Variants in BST1 observed in about 807,000 individuals in gnomAD.
BST1 encodes the protein bone marrow stromal cell antigen 1.
BST1 carries 49 observed loss-of-function variants against 40.6 expected under a neutral mutation model. That is an observed-to-expected ratio of 1.21 (90% CI 0.96 to 1.53). BST1 has a LOEUF of 1.53. Ranked by LOEUF, BST1 falls within the 40% of genes most tolerant of loss-of-function variation. The pLI is 0.00. For synonymous variants in BST1, 157 were observed against 159.3 expected (o/e 0.99, Z 0.11); for missense variants, 423 against 395.9 (o/e 1.07, Z -0.58).
rs1457278991 is a variant in BST1 at position 15,703,377 on chromosome 4, G to A, written c.188+45G>A. 4 of 1,487,902 alleles carry A rather than the reference G, an allele frequency of 2.7e-6. No homozygotes were observed. The South Asian group carries it at 3.8e-5, about 14-fold the overall frequency. The allele number at this position is 1,487,902 out of a possible 1,614,324, so 92.2% of individuals were successfully genotyped here. A position where few individuals can be genotyped will look rare whatever the true frequency, so the allele number is the denominator to read the frequency against. On this transcript the variant is annotated intron_variant, in intron 1 of 8. Transcript: ENST00000265016. ...GGAAGGGGAGCCGGAAAGAGGCAACGGTGGGGAGGGCCTGGGGAGGGGAAA... is the reference window on the plus strand; with the variant it reads ...GGAAGGGGAGCCGGAAAGAGGCAACAGTGGGGAGGGCCTGGGGAGGGGAAA...
At chr4:15,746,739 G>T in the BST1 span, among the ~76,000 whole-genome samples, 1 of 152,186 alleles carries the variant, frequency 6.6e-6, no homozygotes, top group East Asian at 1.9e-4. Context: ...ACCTTCAGGG[G>T]TGTTTACTTC....
chr4:15,768,866 C>T, the BST1 span, among the ~76,000 whole-genome samples: 1 of 152,128 alleles, frequency 6.6e-6, no homozygotes, highest in South Asian at 2.1e-4. Context: ...TGACAGCTGC[C>T]ACAGACCCGT....
At chr4:15,715,668 A>T in intron 5 of BST1, 39 bp from the exon 6 acceptor site, 1 of 1,355,558 alleles carries the variant, frequency 7.4e-7, no homozygotes, top group African/African-American at 1.5e-5. Context: ...AATGGAAAAG[A>T]TATCATATTG....
chr4:15,740,893 G>T (rs1480884463), downstream of BST1, among the ~76,000 whole-genome samples: 3 of 151,912 alleles, frequency 2.0e-5, no homozygotes, highest in African/African-American at 4.8e-5. Flanking sequence ...AATACTTTTA[G>T]CTTTGCTGGC....
chr4:15,741,617 G>T (rs76364661), downstream of BST1, among the ~76,000 whole-genome samples: 3,089 of 152,182 alleles, frequency 0.02, 104 homozygotes, highest in African/African-American at 0.07. Flanking sequence ...AAAGACACAC[G>T]TGGGTTTTCC....
chr4:15,765,174 T>C, the BST1 span, among the ~76,000 whole-genome samples: 161 of 152,122 alleles, frequency 1.1e-3, no homozygotes, highest in Non-Finnish European at 1.8e-3. Context: ...AAACTTGACA[T>C]ACCTCCAATG....
At chr4:15,739,406 C>T (rs185228881), downstream of BST1, among the ~76,000 whole-genome samples, 44 of 152,252 alleles carry the variant, frequency 2.9e-4, no homozygotes, top group African/African-American at 9.4e-4. Flanking sequence ...AGCAGGTTCT[C>T]TAAAGCACAT....
chr4:15,731,519 T>G, intron 8 of BST1: 1 of 1,064,150 alleles, frequency 9.4e-7, no homozygotes, highest in African/African-American at 1.6e-5. Flanking sequence ...TTCTTGAAGC[T>G]GATCTGCAAC....
chr4:15,705,671 G>A (rs182061051), intron 2 of BST1, 30 bp downstream of exon 2: 2 of 1,611,614 alleles, frequency 1.2e-6, no homozygotes, highest in East Asian at 4.5e-5. Context: ...GGGTAAAACT[G>A]TGTTCTCTGT....
the BST1 span, among the ~76,000 whole-genome samples, chr4:15,747,647 A>C: frequency 7.2e-4 from 109 of 152,250 alleles, no homozygotes; most frequent in African/African-American, 2.4e-3. Flanking sequence ...GTAGTAAATA[A>C]ATCTTATCTA....
chr4:15,764,083 C>T, the BST1 span, among the ~76,000 whole-genome samples: 4,038 of 152,002 alleles, frequency 0.027, 200 homozygotes, highest in African/African-American at 0.075. Context: ...AATGTTGGCT[C>T]ATTGATATTA....
chr4:15,707,640 G>A lies in BST1; in HGVS notation c.445G>A (p.Asp149Asn), dbSNP rs965497247. 5 of 1,613,238 alleles carry A rather than the reference G, an allele frequency of 3.1e-6. No individual in the cohort carries two copies. The highest frequency in any genetic ancestry group is 4.2e-6 in the Non-Finnish European group (5 of 1,179,614). ...CTTGAGCTGGTGTCGACAGAAAAAT[G>A]ACTCTGGTAAGACTCCTGCACAAAT... ...DFLSWCRQKNDSGLDYQSCPT... is the reference protein window; with the variant it reads ...DFLSWCRQKNNSGLDYQSCPT... The change falls in exon 3 of 9, where the codon GAC becomes AAC. Residue 149 changes from aspartate (D) to asparagine (N), a missense_variant. Physicochemically the swap from Asp to Asn is conservative, Grantham distance 23. Coordinates refer to ENST00000265016, the MANE Select transcript of BST1 (RefSeq NM_004334.3).
At chr4:15,748,643 C>T in the BST1 span, among the ~76,000 whole-genome samples, 3 of 152,168 alleles carry the variant, frequency 2.0e-5, no homozygotes, top group African/African-American at 7.2e-5. Flanking sequence ...GTAGGATTTT[C>T]GCACAGTCTG....
At chr4:15,773,345 GAC>G in the BST1 span, among the ~76,000 whole-genome samples, 2 of 152,232 alleles carry the variant, frequency 1.3e-5, no homozygotes, top group Non-Finnish European at 2.9e-5. Flanking sequence ...GAGCTGGTTT[GAC>G]AGAGAAAGAT....
chr4:15,726,875 T>C (rs1160240907), intron 8 of BST1, among the ~76,000 whole-genome samples: 1 of 150,896 alleles, frequency 6.6e-6, no homozygotes, highest in Admixed American at 6.6e-5. Flanking sequence ...CGGTATTTTT[T>C]TTTTTTTTTT....
chr4:15,718,632 G>C (rs1194484049), intron 6 of BST1, among the ~76,000 whole-genome samples: 1 of 152,202 alleles, frequency 6.6e-6, no homozygotes, highest in Non-Finnish European at 1.5e-5. Flanking sequence ...GACTGCACAG[G>C]TGGCTGACAC....
At chr4:15,765,898 G>C in the BST1 span, among the ~76,000 whole-genome samples, 2 of 151,894 alleles carry the variant, frequency 1.3e-5, no homozygotes, top group African/African-American at 4.9e-5. Context: ...ATTATATGTC[G>C]ATTCCCCTTT....
chr4:15,752,906 A>G, the BST1 span, among the ~76,000 whole-genome samples: 1 of 152,342 alleles, frequency 6.6e-6, no homozygotes, highest in East Asian at 1.9e-4. Flanking sequence ...GCTGGTTGAT[A>G]ATGTAAATAG....
the BST1 span, among the ~76,000 whole-genome samples, chr4:15,751,316 C>T: frequency 6.6e-6 from 1 of 152,110 alleles, no homozygotes; most frequent in African/African-American, 2.4e-5. Flanking sequence ...TGAAAAAAAT[C>T]TCGGGGAACA....
Sources: gnomAD v4.1 joint callset for allele counts (sites outside exome capture counted in the v4.1 genomes callset) on GRCh38, gnomAD v4.1.1 for gene constraint, MANE v1.5 for transcripts, NCBI Gene and HGNC (gene_info 2026-07-23, HGNC 2026-07-21) for gene names.